The following LONP2 variants were observed in gnomAD, a reference collection of about 807,000 sequenced individuals.
The protein encoded by LONP2 is lon protease homolog 2, peroxisomal.
In LONP2, 60 loss-of-function variants were observed where a neutral mutation model predicts 85.6. The ratio of observed to expected loss-of-function variants is 0.70; its 90% CI spans 0.57 to 0.87. The LOEUF (loss-of-function observed/expected upper bound fraction) is 0.87. LONP2 is among the 40% of genes least tolerant of loss of function. LONP2 has a pLI of 0.00. For missense variants in LONP2, 860 were observed against 1,063.5 expected (o/e 0.81, Z 2.66); for synonymous variants, 395 against 389.7 (o/e 1.01, Z -0.16).
At chr16:48,251,079 G>A (rs1971634569) in intron 1 of LONP2, among the ~76,000 whole-genome samples, 2 of 152,336 alleles carry the variant, frequency 1.3e-5, no homozygotes, top group Middle Eastern at 3.4e-3. Flanking sequence ...TCTACGGAAT[G>A]AGTAATTTAT....
At chr16:48,359,390 A>G (rs1457563740), downstream of LONP2, among the ~76,000 whole-genome samples, 2 of 152,242 alleles carry the variant, frequency 1.3e-5, no homozygotes, top group Non-Finnish European at 2.9e-5. Flanking sequence ...AGACTTGAAT[A>G]TAAATCTGTG....
chr16:48,276,599 T>C (rs1048593198), intron 7 of LONP2, among the ~76,000 whole-genome samples: 1 of 152,244 alleles, frequency 6.6e-6, no homozygotes, highest in Non-Finnish European at 1.5e-5. Context: ...GTCATAATTA[T>C]GTGGGTGATT....
intron 8 of LONP2, among the ~76,000 whole-genome samples, chr16:48,281,195 G>T (rs1279520242): frequency 1.3e-5 from 2 of 152,242 alleles, no homozygotes; most frequent in African/African-American, 4.8e-5. Flanking sequence ...ATACACTAGA[G>T]TGCTTACTCT....
At chr16:48,346,616 C>T (rs1022591891) in intron 12 of LONP2, among the ~76,000 whole-genome samples, 30 of 152,022 alleles carry the variant, frequency 2.0e-4, no homozygotes, top group African/African-American at 7.0e-4. Context: ...ACCCTTCTCA[C>T]TTTTCTTTTC....
intron 2 of LONP2, among the ~76,000 whole-genome samples, chr16:48,253,324 G>A (rs1024805402): frequency 6.6e-5 from 10 of 151,986 alleles, no homozygotes; most frequent in African/African-American, 2.4e-4. Context: ...ACAAAAATTA[G>A]CCGAGTGTGA....
intron 11 of LONP2, among the ~76,000 whole-genome samples, chr16:48,315,538 G>A (rs555263210): frequency 6.6e-6 from 1 of 152,160 alleles, no homozygotes; most frequent in South Asian, 2.1e-4. Flanking sequence ...CACCCATAAG[G>A]GCAGAATCTT....
chr16:48,325,541 C>T (rs1973352230), intron 11 of LONP2, among the ~76,000 whole-genome samples: 1 of 152,186 alleles, frequency 6.6e-6, no homozygotes, highest in Non-Finnish European at 1.5e-5. Flanking sequence ...GCTAATTTCA[C>T]TTAATATAAT....
chr16:48,256,798 A>G (rs1315210791), intron 3 of LONP2, 57 bp downstream of exon 3: 2 of 1,540,674 alleles, frequency 1.3e-6, no homozygotes, highest in African/African-American at 1.4e-5. Context: ...TGAGATCTAG[A>G]TAGTGAGTAG....
rs114560613 is a variant in LONP2 at position 48,362,790 on chromosome 16, G to C, written c.*927G>C. 936 of 217,798 alleles carry C rather than the reference G, an allele frequency of 4.3e-3. 6 individuals are homozygous for C. Among genetic ancestry groups the C allele is most frequent in the African/African-American group, 0.022 (905 of 41,946 alleles). The allele number at this position is 217,798 out of a possible 1,614,324, so 13.5% of individuals were successfully genotyped here. On this transcript the variant is annotated 3_prime_UTR_variant, in exon 5 of 5. Transcript: ENST00000565867. The surrounding 1 kb of genome is among the most constrained non-coding windows in gnomAD (Gnocchi z 4.2). ...AAGTTTAATCGAATCCGTTTTGCTA[G>C]GACTCTCCCTGAGGCTCCCTTACTC...
rs200933084 is a variant in LONP2, at chr16:48,303,238, C to T, written c.1728C>T (p.Ala576=). The T allele has an allele frequency of 1.1e-5, 17 of 1,613,984 alleles. No individual in the cohort carries two copies. Among genetic ancestry groups the T allele is most frequent in the East Asian group, 4.5e-5 (2 of 44,884 alleles). Residue 576 remains alanine (A), a synonymous_variant, in exon 11 of 15, where the codon GCC becomes GCT. Coordinates refer to ENST00000285737, the MANE Select transcript of LONP2 (RefSeq NM_031490.5). ...TTGGGGCCATTTGCCGAGCTGTGGC[C>T]GTGAAGGTGGCAGAAGGACAGCATA... ...RKLGAICRAV[A]VKVAEGQHKE... is the part of the protein sequence containing the mutation.
At chr16:48,287,237 A>G (rs1307892756) in intron 8 of LONP2, among the ~76,000 whole-genome samples, 2 of 152,362 alleles carry the variant, frequency 1.3e-5, no homozygotes, top group East Asian at 3.9e-4. Flanking sequence ...AGTGTCTGCC[A>G]AAGATGAGCT....
intron 11 of LONP2, among the ~76,000 whole-genome samples, chr16:48,307,484 A>G (rs1972936082): frequency 6.6e-6 from 1 of 152,220 alleles, no homozygotes; most frequent in Non-Finnish European, 1.5e-5. Context: ...CATATATTCA[A>G]TTTATATCTA....
At chr16:48,251,706 G>A (rs1048052172) in intron 1 of LONP2, among the ~76,000 whole-genome samples, 3 of 152,190 alleles carry the variant, frequency 2.0e-5, no homozygotes, top group African/African-American at 7.2e-5. Flanking sequence ...AGCACAACTG[G>A]TGTTGGAACG....
intron 11 of LONP2, among the ~76,000 whole-genome samples, chr16:48,312,430 T>C (rs1479171799): frequency 1.3e-5 from 2 of 152,190 alleles, no homozygotes; most frequent in Non-Finnish European, 2.9e-5. Flanking sequence ...TTGCTTCTTA[T>C]TATTTTTTAG....
At chr16:48,348,774 G>A (rs555083382) in intron 14 of LONP2, among the ~76,000 whole-genome samples, 30 of 152,252 alleles carry the variant, frequency 2.0e-4, no homozygotes, top group Non-Finnish European at 3.8e-4. Context: ...GATTACAGGC[G>A]TGAGCCACCA....
At chr16:48,253,806 A>C (rs1971701962) in intron 2 of LONP2, among the ~76,000 whole-genome samples, 1 of 152,184 alleles carries the variant, frequency 6.6e-6, no homozygotes, top group Non-Finnish European at 1.5e-5. Flanking sequence ...CACACATCTT[A>C]CTGTCATCAT....
chr16:48,362,069 G>A, downstream of LONP2: 2 of 1,614,192 alleles, frequency 1.2e-6, no homozygotes, highest in Non-Finnish European at 1.7e-6. The surrounding 1 kb of genome is among the most constrained non-coding windows in gnomAD (Gnocchi z 4.2). Flanking sequence ...TAAACTCACA[G>A]AGCTCTTCAT....
intron 14 of LONP2, among the ~76,000 whole-genome samples, chr16:48,350,861 C>G (rs940455179): frequency 3.3e-5 from 5 of 152,120 alleles, no homozygotes; most frequent in Non-Finnish European, 4.4e-5. Context: ...GGCAGGAGGC[C>G]CCAGTTCCTC....
At chr16:48,248,766 C>T (rs1971538763) in intron 1 of LONP2, among the ~76,000 whole-genome samples, 1 of 151,816 alleles carries the variant, frequency 6.6e-6, no homozygotes, top group Non-Finnish European at 1.5e-5. Flanking sequence ...GCCTGTACTC[C>T]CATCTACTCA....
Sources: allele counts gnomAD v4.1 joint callset (sites outside exome capture counted in the v4.1 genomes callset), GRCh38; gene constraint gnomAD v4.1.1; non-coding constraint Gnocchi (gnomAD v3.1); transcripts MANE v1.5; gene names NCBI Gene and HGNC (gene_info 2026-07-23, HGNC 2026-07-21).